PCLO: variants seen among roughly 807,000 people sequenced by gnomAD.
PCLO encodes piccolo presynaptic cytomatrix protein, also known as protein piccolo.
In PCLO, 82 loss-of-function variants were observed where a neutral mutation model predicts 427.5. That is an observed-to-expected ratio of 0.19 (90% CI 0.16 to 0.23). The LOEUF is 0.23. PCLO is among the 10% of genes least tolerant of loss of function. PCLO has a pLI of 1.00. For synonymous variants in PCLO, 2,357 were observed against 2,155.4 expected (o/e 1.09, Z -2.59); for missense variants, 6,239 against 6,115.9 (o/e 1.02, Z -0.67).
In PCLO at chr7:82,954,984, T is replaced by C; in HGVS notation, c.5969A>G (p.Glu1990Gly). Residue 1990 changes from glutamate to glycine, a missense_variant, in exon 5 of 25, where the codon GAG becomes GGG. Glu to Gly is a moderately conservative substitution (Grantham distance 98). Around this residue, in one of 5 missense-constraint regions of PCLO, gnomAD observed 4,677 missense variants for 4,468.4 expected, o/e 1.05. Coordinates refer to ENST00000333891, the MANE Select transcript of PCLO (RefSeq NM_033026.6). Reference protein sequence around the residue: ...ENGFMQQKGREQKIRLSEQIY... With the variant: ...ENGFMQQKGRGQKIRLSEQIY... The stretch of plus-strand genomic sequence containing the variant: ...CTGTTCTGAAAGTCTTATCTTTTGC[T>C]CTCTTCCTTTCTGCTGCATAAATCC... The C allele has an allele frequency of 6.2e-7, 1 of 1,613,844 alleles. No individual in the cohort carries two copies. Among genetic ancestry groups the C allele is most frequent in the Non-Finnish European group, 8.5e-7 (1 of 1,179,876 alleles).
At chr7:83,160,029 T>C (rs1375796784) in intron 1 of PCLO, among the ~76,000 whole-genome samples, 5 of 152,128 alleles carry the variant, frequency 3.3e-5, no homozygotes, top group Admixed American at 1.3e-4. Flanking sequence ...AAAAACAATG[T>C]ACAATTCAAC....
At chr7:82,975,026 C>G (rs549772484) in intron 3 of PCLO, among the ~76,000 whole-genome samples, 207 of 152,246 alleles carry the variant, frequency 1.4e-3, no homozygotes, top group African/African-American at 4.7e-3. Flanking sequence ...ATCCACCCAC[C>G]TCAGCCTCCC....
chr7:83,131,087 C>G (rs1341433716), intron 3 of PCLO, among the ~76,000 whole-genome samples: 1 of 152,176 alleles, frequency 6.6e-6, no homozygotes, highest in Non-Finnish European at 1.5e-5. Context: ...GGCTGTTTTT[C>G]TCAGTATGCT....
intron 20 of PCLO, among the ~76,000 whole-genome samples, chr7:82,817,735 C>G (rs1289401097): frequency 6.6e-6 from 1 of 152,150 alleles, no homozygotes; most frequent in Non-Finnish European, 1.5e-5. Flanking sequence ...CATCAGGGAA[C>G]TCGAAATCAT....
intron 22 of PCLO, among the ~76,000 whole-genome samples, chr7:82,778,971 C>T (rs1445899663): frequency 1.3e-5 from 2 of 151,984 alleles, no homozygotes; most frequent in Admixed American, 6.6e-5. Context: ...TCTCAAAATT[C>T]AACAGCAAAC....
chr7:82,927,062 C>T (rs1562862797), intron 6 of PCLO, among the ~76,000 whole-genome samples: 1 of 152,066 alleles, frequency 6.6e-6, no homozygotes, highest in African/African-American at 2.4e-5. Flanking sequence ...TCCTGTCTGT[C>T]AACCACTTTA....
intron 6 of PCLO, among the ~76,000 whole-genome samples, chr7:82,940,982 T>C (rs975481318): frequency 2.0e-5 from 3 of 152,046 alleles, no homozygotes; most frequent in East Asian, 3.9e-4. Flanking sequence ...CAGGATGATC[T>C]TGATCTCCTG....
In PCLO at chr7:83,134,676, A is replaced by G. The variant is rs903078419; in HGVS notation, c.2874T>C (p.Ser958=). The G allele has an allele frequency of 1.2e-6, 2 of 1,613,800 alleles. No homozygotes were observed. Among genetic ancestry groups the G allele is most frequent in the Middle Eastern group, 1.6e-4 (1 of 6,062 alleles). ...TAGQPGPHSQ[S]GPGAPMKQAP... Reference sequence around the variant, plus strand: ...CTTGTTTCATTGGGGCCCCTGGTCCACTTTGTGAATGAGGTCCAGGTTGGC... The same window carrying G: ...CTTGTTTCATTGGGGCCCCTGGTCCGCTTTGTGAATGAGGTCCAGGTTGGC... Residue 958 remains serine, a synonymous_variant, in exon 3 of 25, where the codon AGT becomes AGC. Coordinates refer to ENST00000333891, the MANE Select transcript of PCLO (RefSeq NM_033026.6).
chr7:82,997,194 C>T (rs939232721), intron 3 of PCLO, among the ~76,000 whole-genome samples: 1 of 151,828 alleles, frequency 6.6e-6, no homozygotes, highest in Non-Finnish European at 1.5e-5. Context: ...AATAAGAGTA[C>T]ACCAGCTGAT....
chr7:83,016,473 C>A (rs1380332202), intron 3 of PCLO, among the ~76,000 whole-genome samples: 1 of 151,570 alleles, frequency 6.6e-6, no homozygotes, highest in Non-Finnish European at 1.5e-5. Context: ...CGCTAAGAAA[C>A]AAATATAGAA....
At chr7:83,083,983 G>C (rs576726101) in intron 3 of PCLO, among the ~76,000 whole-genome samples, 1 of 152,260 alleles carries the variant, frequency 6.6e-6, no homozygotes, top group Admixed American at 6.5e-5. Context: ...AACATCCTCT[G>C]TGTAGGAAAC....
At chr7:82,764,341 C>T (rs1396789677) in intron 22 of PCLO, among the ~76,000 whole-genome samples, 1 of 151,474 alleles carries the variant, frequency 6.6e-6, no homozygotes, top group East Asian at 1.9e-4. Flanking sequence ...TTTCTTAATT[C>T]CAAAAGAAAA....
chr7:82,889,094 C>T (rs929329354), intron 9 of PCLO, among the ~76,000 whole-genome samples: 8 of 152,000 alleles, frequency 5.3e-5, no homozygotes, highest in African/African-American at 1.2e-4. Flanking sequence ...CCTGTAGGAC[C>T]TAGGGGCGCT....
chr7:83,085,507 A>T (rs568997113), intron 3 of PCLO, among the ~76,000 whole-genome samples: 1 of 152,304 alleles, frequency 6.6e-6, no homozygotes, highest in East Asian at 1.9e-4. Context: ...CATGCCTCAG[A>T]ATGAGCTAAG....
chr7:82,794,130 T>C (rs927930592), intron 22 of PCLO, among the ~76,000 whole-genome samples: 5 of 152,162 alleles, frequency 3.3e-5, no homozygotes, highest in African/African-American at 9.6e-5. Context: ...TTAACGTACA[T>C]TAATTAATTA....
chr7:83,034,479 C>T (rs759859866), intron 3 of PCLO, among the ~76,000 whole-genome samples: 6 of 152,132 alleles, frequency 3.9e-5, no homozygotes, highest in Admixed American at 1.3e-4. Context: ...AAAGCCATCA[C>T]GCCTGGTCCC....
chr7:82,902,659 G>A lies in PCLO; in HGVS notation c.13520C>T (p.Thr4507Ile), dbSNP rs761053909. 1 of 1,569,182 alleles carries A rather than the reference G, an allele frequency of 6.4e-7. No homozygotes were observed. The highest frequency in any genetic ancestry group is 8.8e-7 in the Non-Finnish European group (1 of 1,140,580). Residue 4507 changes from threonine to isoleucine, a missense_variant, in exon 9 of 25, where the codon ACA (threonine) becomes ATA (isoleucine). Thr to Ile is a moderately conservative substitution (Grantham distance 89). Around this residue, in one of 5 missense-constraint regions of PCLO, gnomAD observed 877 missense variants for 925.5 expected, o/e 0.95. Transcript: ENST00000333891. ...TATATGATTTGCTTTACCTGAAACT[G>A]TGTGATCCTTTGAGTCTCTTGTTAT... is the stretch of plus-strand genomic sequence containing the variant. ...IKITRDSKDH[T>I]VSGNGLGIRI...
intron 16 of PCLO, among the ~76,000 whole-genome samples, chr7:82,832,708 C>T (rs1040382417): frequency 2.6e-5 from 4 of 151,350 alleles, no homozygotes; most frequent in Non-Finnish European, 4.4e-5. Context: ...AATTTGAAGG[C>T]TTCTTTGGTG....
rs1200368732 is a variant in PCLO, at chr7:83,027,537, A to G, written c.3301-61050T>C. ...AATTCTACCAGAGGTACAAGGAGGA[A>G]CTGGTACCATTCCTTCTGAAACTAT... is the stretch of plus-strand genomic sequence containing the variant. On this transcript the variant is annotated intron_variant, in intron 3 of 24. Coordinates refer to ENST00000333891, the MANE Select transcript of PCLO (RefSeq NM_033026.6). Among the ~76,000 whole-genome samples the G allele has an allele frequency of 3.3e-5, 5 of 151,674 alleles. No homozygotes were observed. In the East Asian group the frequency reaches 5.8e-4, roughly 18 times the overall value.
Sources: gnomAD v4.1 joint callset for allele counts (sites outside exome capture counted in the v4.1 genomes callset) on GRCh38, gnomAD v4.1.1 for gene constraint, gnomAD v4.1.1 regional missense constraint, MANE v1.5 for transcripts, NCBI Gene and HGNC (gene_info 2026-07-23, HGNC 2026-07-21) for gene names.